Variants in AGO4 observed in about 807,000 individuals in gnomAD.
AGO4 encodes protein argonaute-4.
Under a neutral mutation model 104.7 loss-of-function variants are expected in AGO4, and 33 were observed. The observed-to-expected ratio is 0.32, with a 90% confidence interval of 0.24 to 0.42. AGO4 has a LOEUF of 0.42. Among genes scored for constraint, AGO4 ranks in the 10% least tolerant of loss-of-function variants. The pLI, the probability that AGO4 is intolerant of heterozygous loss-of-function variation, is 1.00. For synonymous variants in AGO4, 331 were observed against 364.7 expected (o/e 0.91, Z 1.05); for missense variants, 711 against 1,083.4 (o/e 0.66, Z 4.83).
chr1:35,816,103 T>A (rs1643684378), intron 1 of AGO4, among the ~76,000 whole-genome samples: 1 of 152,214 alleles, frequency 6.6e-6, no homozygotes, highest in African/African-American at 2.4e-5. Flanking sequence ...AATTAGCAAA[T>A]AAATTGATAA....
chr1:35,841,442 T>C lies in AGO4; in HGVS notation c.2002T>C (p.Tyr668His). 1 of 1,614,030 alleles carries C rather than the reference T, an allele frequency of 6.2e-7. No individual in the cohort carries two copies. Residue 668 changes from tyrosine (Y) to histidine (H), a missense_variant, in exon 14 of 18, where the codon TAT becomes CAT. Tyr to His is a moderately conservative substitution (Grantham distance 83). Around this residue, in one of 3 missense-constraint regions of AGO4, gnomAD observed 401 missense variants for 665.5 expected, o/e 0.60. Transcript: ENST00000373210. The surrounding 1 kb of genome is among the most constrained non-coding windows in gnomAD (Gnocchi z 4.7). ...ACGCTTCAAACCCACTCGGATCATC[T>C]ATTACCGTGGAGGGGTATCTGAGGG... ...STRFKPTRII[Y>H]YRGGVSEGQM...
At position 35,811,470 on chromosome 1, in the gene AGO4, CA is replaced by C. The variant is rs113891635; in HGVS notation, c.19+3046del. Among the ~76,000 whole-genome samples, 224 of 135,826 alleles carry C rather than the reference CA, an allele frequency of 1.6e-3. 1 individual carries two copies. Among genetic ancestry groups the C allele is most frequent in the Non-Finnish European group, 2.4e-3 (148 of 62,180 alleles). 89.1% of individuals were successfully genotyped at this position (135,826 alleles called of 152,430 possible). ...GAGCAAGACTCCATCCAAAAAAAAA[CA>C]AAAAAAAAAACAAAAACCAACCACC... is the stretch of plus-strand genomic sequence containing the variant. On this transcript the variant is annotated intron_variant, in intron 1 of 17. Transcript: ENST00000373210.
rs1571320126 is a variant in AGO4 at position 35,854,469 on chromosome 1, C to A, written c.*864C>A. 2 of 152,572 alleles carry A rather than the reference C, an allele frequency of 1.3e-5. No homozygotes were observed. The highest frequency in any genetic ancestry group is 3.8e-4 in the East Asian group (2 of 5,200). 9.5% of individuals were successfully genotyped at this position (152,572 alleles called of 1,614,324 possible). ...AAATCTAAATGATTTTTAAACTTTTCTCATAGAAACTTAACTTTGGCAATA... is the reference window on the plus strand; with the variant it reads ...AAATCTAAATGATTTTTAAACTTTTATCATAGAAACTTAACTTTGGCAATA... On this transcript the variant is annotated 3_prime_UTR_variant, in exon 18 of 18. Coordinates refer to ENST00000373210, the MANE Select transcript of AGO4 (RefSeq NM_017629.4).
chr1:35,831,662 G>A, intron 8 of AGO4, 88 bp downstream of exon 8: 11 of 1,537,880 alleles, frequency 7.2e-6, no homozygotes, highest in Middle Eastern at 1.8e-4. Flanking sequence ...GTGAAATTTA[G>A]TGTTAATTTC....
chr1:35,822,010 C>T (rs1643896691), intron 2 of AGO4, among the ~76,000 whole-genome samples: 1 of 151,950 alleles, frequency 6.6e-6, no homozygotes, highest in Non-Finnish European at 1.5e-5. Flanking sequence ...GCCTCAGCCC[C>T]CCAAGTACCC....
In AGO4 at chr1:35,832,176, T is replaced by G. The variant is rs1195896562; in HGVS notation, c.1236T>G (p.Tyr412Ter). 1 of 1,612,740 alleles carries G rather than the reference T, an allele frequency of 6.2e-7. No homozygotes were observed. The highest frequency in any genetic ancestry group is 1.3e-5 in the African/African-American group (1 of 74,812). ...TACTTCCAGCACCAATGCTGCAATATGGAGGCCGGGTAAGCTTTTTATTTT... is the reference window on the plus strand; with the variant it reads ...TACTTCCAGCACCAATGCTGCAATAGGGAGGCCGGGTAAGCTTTTTATTTT... ...GRVLPAPMLQ[Y>*]GGRNKTVATP... Residue 412 changes from tyrosine to a stop codon, truncating the protein, a stop_gained, in exon 10 of 18, where the codon TAT becomes TAG. Coordinates refer to ENST00000373210, the MANE Select transcript of AGO4 (RefSeq NM_017629.4). LOFTEE classifies it high-confidence loss of function.
intron 1 of AGO4, among the ~76,000 whole-genome samples, chr1:35,809,631 A>G (rs1210304302): frequency 6.6e-6 from 1 of 152,220 alleles, no homozygotes; most frequent in Non-Finnish European, 1.5e-5. Flanking sequence ...TCAGTGTATT[A>G]TGCCAGGTTA....
chr1:35,824,032 C>A (rs940040663), intron 3 of AGO4, among the ~76,000 whole-genome samples: 1 of 152,140 alleles, frequency 6.6e-6, no homozygotes, highest in African/African-American at 2.4e-5. Context: ...TGTACTTTAA[C>A]AAAGTACTAC....
intron 7 of AGO4, among the ~76,000 whole-genome samples, chr1:35,829,866 A>T (rs1644134487): frequency 1.4e-5 from 2 of 145,332 alleles, no homozygotes; most frequent in African/African-American, 2.6e-5. Flanking sequence ...AAAAAAAAAA[A>T]TGCAAGATTA....
At chr1:35,810,675 G>T (rs1466107272) in intron 1 of AGO4, among the ~76,000 whole-genome samples, 1 of 152,104 alleles carries the variant, frequency 6.6e-6, no homozygotes, top group Non-Finnish European at 1.5e-5. Context: ...CTTCATTAGG[G>T]TTTCAAAGGG....
chr1:35,833,576 T>G (rs1158057108), intron 11 of AGO4, among the ~76,000 whole-genome samples: 1 of 152,212 alleles, frequency 6.6e-6, no homozygotes, highest in Non-Finnish European at 1.5e-5. Context: ...GTGTTCTCAG[T>G]TGAGCACAAG....
intron 3 of AGO4, 76 bp from the exon 4 acceptor site, chr1:35,825,237 A>G: frequency 2.1e-6 from 3 of 1,448,424 alleles, no homozygotes; most frequent in Non-Finnish European, 2.9e-6. Context: ...TGCATGTATC[A>G]TACTGCATAT....
chr1:35,825,330 T>A lies in AGO4; in HGVS notation c.324T>A (p.Thr108=). 6.2e-7 allele frequency: 1 copy of A among 1,614,060 alleles called. No homozygotes were observed. Among genetic ancestry groups the A allele is most frequent in the African/African-American group, 1.3e-5 (1 of 75,058 alleles). ...TTCCTTAGGTTGATATGGAGGTGAC[T>A]CTTCCAGGCGAGGGTAAAGACCAAA... ...IGRDRVDMEV[T]LPGEGKDQTF... is the part of the protein sequence containing the mutation. Residue 108 remains threonine (T), a synonymous_variant, in exon 4 of 18, where the codon ACT becomes ACA. Coordinates refer to ENST00000373210, the MANE Select transcript of AGO4 (RefSeq NM_017629.4).
At chr1:35,811,895 G>A (rs556238524) in intron 1 of AGO4, among the ~76,000 whole-genome samples, 15 of 152,208 alleles carry the variant, frequency 9.9e-5, no homozygotes, top group Admixed American at 5.2e-4. Context: ...ACTGCACCCA[G>A]CCTTTATGTT....
chr1:35,818,666 A>AAAGGAAGGAAGG lies in AGO4; in HGVS notation c.185+1646_185+1657dup, dbSNP rs796636245. On this transcript the variant is annotated intron_variant, in intron 2 of 17. Coordinates refer to ENST00000373210, the MANE Select transcript of AGO4 (RefSeq NM_017629.4). The stretch of plus-strand genomic sequence containing the variant: ...GAAAGAAAGAAAGAAAGAAAGGAAG[A>AAAGGAAGGAAGG]AAGGAAGGAAGGAAGGAAGGAAGGA... 8.7e-3 allele frequency among the ~76,000 whole-genome samples: 690 copies of AAAGGAAGGAAGG among 79,692 alleles called. 16 individuals are homozygous for AAAGGAAGGAAGG. The highest frequency in any genetic ancestry group is 0.022 in the African/African-American group (440 of 19,700). The allele number at this position is 79,692 out of a possible 152,430, so 52.3% of individuals were successfully genotyped here.
Position 35,853,866 on chromosome 1 carries a change from A to G in AGO4, c.*261A>G. The G allele has an allele frequency of 3.2e-6, 1 of 310,068 alleles. No individual in the cohort carries two copies. Among genetic ancestry groups the G allele is most frequent in the East Asian group, 6.0e-5 (1 of 16,614 alleles). 19.2% of individuals were successfully genotyped at this position (310,068 alleles called of 1,614,324 possible). A position where few individuals can be genotyped will look rare whatever the true frequency, so the allele number is the denominator to read the frequency against. On this transcript the variant is annotated 3_prime_UTR_variant, in exon 18 of 18. Transcript: ENST00000373210. The stretch of plus-strand genomic sequence containing the variant: ...TTTTTACCTCAATGTGCAAAGGCTG[A>G]TCAGCCTGAACTTTCTAAAGGACTT...
Position 35,825,960 on chromosome 1 carries a change from C to T in AGO4, c.660C>T (p.Ile220=). Reference sequence around the variant, plus strand: ...CTGCTTTCTACCGGGCTCAGCCTATCATTGAGTTCATGTGTGAGGTTTTAG... The same window carrying T: ...CTGCTTTCTACCGGGCTCAGCCTATTATTGAGTTCATGTGTGAGGTTTTAG... ...SATAFYRAQP[I]IEFMCEVLDI... The change falls in exon 6 of 18, where the codon ATC becomes ATT. Residue 220 remains isoleucine (I), a synonymous_variant. Transcript: ENST00000373210. 1 of 1,614,200 alleles carries T rather than the reference C, an allele frequency of 6.2e-7. No individual in the cohort carries two copies. The highest frequency in any genetic ancestry group is 1.1e-5 in the South Asian group (1 of 91,080).
intron 13 of AGO4, among the ~76,000 whole-genome samples, chr1:35,839,065 C>T (rs962614143): frequency 1.1e-4 from 17 of 152,094 alleles, no homozygotes; most frequent in African/African-American, 3.4e-4. Context: ...ACTGCAAACT[C>T]CGCCTCCCAG....
chr1:35,819,109 A>G (rs1482324807), intron 2 of AGO4, among the ~76,000 whole-genome samples: 1 of 152,182 alleles, frequency 6.6e-6, no homozygotes, highest in Non-Finnish European at 1.5e-5. Flanking sequence ...AATAAGATTT[A>G]CTGATGGATT....
Sources: gnomAD v4.1 joint callset for allele counts (sites outside exome capture counted in the v4.1 genomes callset) on GRCh38, gnomAD v4.1.1 for gene constraint, gnomAD v4.1.1 regional missense constraint, Gnocchi (gnomAD v3.1) non-coding constraint, MANE v1.5 for transcripts, NCBI Gene and HGNC (gene_info 2026-07-23, HGNC 2026-07-21) for gene names.